The following PPFIA2 variants were observed in gnomAD, a reference collection of about 807,000 sequenced individuals.
PPFIA2 encodes liprin-alpha-2.
PPFIA2 carries 46 observed loss-of-function variants against 175.5 expected under a neutral mutation model. The observed-to-expected ratio is 0.26, with a 90% CI of 0.21 to 0.34. The LOEUF (loss-of-function observed/expected upper bound fraction) is 0.34, where lower values mean the gene tolerates loss of function less well. Ranked by LOEUF, PPFIA2 falls within the 10% of genes least tolerant of loss-of-function variation. The probability of loss-of-function intolerance (pLI) is 1.00; values close to 1 mark genes in which losing one functional copy is unlikely to be tolerated. For missense variants in PPFIA2, 1,179 were observed against 1,506.1 expected (o/e 0.78, Z 3.60); for synonymous variants, 568 against 511.4 (o/e 1.11, Z -1.49).
At chr12:81,452,352 T>C (rs1418185105) in intron 5 of PPFIA2, among the ~76,000 whole-genome samples, 2 of 152,196 alleles carry the variant, frequency 1.3e-5, no homozygotes, top group Non-Finnish European at 2.9e-5. Context: ...TAGACTAATG[T>C]GGCTGCTGTA....
intron 19 of PPFIA2, among the ~76,000 whole-genome samples, chr12:81,341,664 A>T (rs116406879): frequency 0.096 from 14,678 of 152,190 alleles, 885 homozygotes; most frequent in Middle Eastern, 0.16. Context: ...AGCCCAGGGA[A>T]GCCAAAAGAT....
intron 3 of PPFIA2, among the ~76,000 whole-genome samples, chr12:81,722,232 G>T (rs893737227): frequency 2.7e-5 from 4 of 150,920 alleles, no homozygotes; most frequent in African/African-American, 9.7e-5. Flanking sequence ...TCCCAGCCAA[G>T]ATTAATCTTA....
chr12:81,706,339 A>G (rs1049818342), intron 3 of PPFIA2, among the ~76,000 whole-genome samples: 2 of 152,228 alleles, frequency 1.3e-5, no homozygotes, highest in Non-Finnish European at 2.9e-5. Flanking sequence ...AGGCTATATT[A>G]CATATTTTCA....
chr12:81,377,318 G>A (rs2036591523), intron 9 of PPFIA2, among the ~76,000 whole-genome samples: 1 of 152,088 alleles, frequency 6.6e-6, no homozygotes, highest in South Asian at 2.1e-4. Flanking sequence ...GGCCAAGGTG[G>A]GCAGATCTCT....
chr12:81,542,624 T>G (rs2066393714), intron 4 of PPFIA2, among the ~76,000 whole-genome samples: 1 of 152,120 alleles, frequency 6.6e-6, no homozygotes, highest in South Asian at 2.1e-4. Context: ...GGACTAAATT[T>G]TAACAGACTT....
intron 4 of PPFIA2, among the ~76,000 whole-genome samples, chr12:81,513,054 G>A (rs1044658214): frequency 6.6e-6 from 1 of 151,748 alleles, no homozygotes; most frequent in African/African-American, 2.4e-5. Flanking sequence ...AAATCAGCAA[G>A]GAAAATAATA....
chr12:81,742,563 C>G (rs2082454201), intron 3 of PPFIA2, among the ~76,000 whole-genome samples: 1 of 152,154 alleles, frequency 6.6e-6, no homozygotes, highest in Non-Finnish European at 1.5e-5. Flanking sequence ...AAGTGAAGAT[C>G]ATGAACTCAG....
At chr12:81,372,465 A>G (rs1177597059) in intron 11 of PPFIA2, among the ~76,000 whole-genome samples, 1 of 150,790 alleles carries the variant, frequency 6.6e-6, no homozygotes, top group Non-Finnish European at 1.5e-5. Context: ...GAACAGAAAA[A>G]GACTATGATG....
intron 4 of PPFIA2, among the ~76,000 whole-genome samples, chr12:81,652,408 A>G (rs2067160250): frequency 6.6e-6 from 1 of 151,790 alleles, no homozygotes; most frequent in African/African-American, 2.4e-5. Context: ...CAACACAAAG[A>G]CTAAAGACCC....
chr12:81,565,213 G>A (rs754252703), intron 4 of PPFIA2, among the ~76,000 whole-genome samples: 3 of 152,166 alleles, frequency 2.0e-5, no homozygotes, highest in Non-Finnish European at 2.9e-5. Flanking sequence ...TGAGGCAACA[G>A]TGATGACCTC....
At chr12:81,338,572 G>A (rs1375120292) in intron 21 of PPFIA2, among the ~76,000 whole-genome samples, 1 of 148,864 alleles carries the variant, frequency 6.7e-6, no homozygotes, top group Non-Finnish European at 1.5e-5. Flanking sequence ...ACACCATAGA[G>A]TTTATTAGGG....
chr12:81,378,781 A>G (rs1283172650), intron 9 of PPFIA2, among the ~76,000 whole-genome samples: 1 of 152,186 alleles, frequency 6.6e-6, no homozygotes, highest in Non-Finnish European at 1.5e-5. Context: ...GTGAGCACTG[A>G]AGTAGTACAT....
intron 18 of PPFIA2, among the ~76,000 whole-genome samples, chr12:81,345,019 A>G (rs1326276164): frequency 6.6e-6 from 1 of 152,132 alleles, no homozygotes. Flanking sequence ...TGAGCTAGCT[A>G]GAAATAAACG....
chr12:81,734,987 G>T (rs118116393), intron 3 of PPFIA2, among the ~76,000 whole-genome samples: 12 of 151,818 alleles, frequency 7.9e-5, no homozygotes, highest in Non-Finnish European at 1.6e-4. Flanking sequence ...CATTCTTGTT[G>T]TAGTGCTGAT....
At chr12:81,701,915 T>TAAAA (rs748051152) in intron 3 of PPFIA2, among the ~76,000 whole-genome samples, 1,415 of 83,982 alleles carry the variant, frequency 0.017, 16 homozygotes, top group Non-Finnish European at 0.019. Context: ...ATGGGAAGAC[T>TAAAA]AAAAAAAAAA....
chr12:81,666,788 A>G (rs1415209681), intron 4 of PPFIA2, among the ~76,000 whole-genome samples: 2 of 152,070 alleles, frequency 1.3e-5, no homozygotes, highest in African/African-American at 4.8e-5. Context: ...AAAAAGAAAT[A>G]GAGGCACAAA....
chr12:81,454,928 A>G (rs576963798), intron 5 of PPFIA2, among the ~76,000 whole-genome samples: 7 of 152,220 alleles, frequency 4.6e-5, no homozygotes, highest in African/African-American at 1.7e-4. Flanking sequence ...TGCTCACTGC[A>G]ATCTCACCCT....
chr12:81,539,815 T>C (rs1275411521), intron 4 of PPFIA2, among the ~76,000 whole-genome samples: 1 of 152,014 alleles, frequency 6.6e-6, no homozygotes, highest in African/African-American at 2.4e-5. Flanking sequence ...CACACTTAGA[T>C]TAATGTTTTC....
At chr12:81,561,604 C>A (rs2070099778) in intron 4 of PPFIA2, among the ~76,000 whole-genome samples, 1 of 152,188 alleles carries the variant, frequency 6.6e-6, no homozygotes, top group African/African-American at 2.4e-5. Flanking sequence ...TACTTCCCCT[C>A]TCTCTGATAA....
Sources: allele counts gnomAD v4.1 joint callset (sites outside exome capture counted in the v4.1 genomes callset), GRCh38; gene constraint gnomAD v4.1.1; transcripts MANE v1.5; gene names NCBI Gene and HGNC (gene_info 2026-07-23, HGNC 2026-07-21).